The following WDPCP variants were observed in gnomAD, a reference collection of about 807,000 sequenced individuals.
The protein encoded by WDPCP is WD repeat-containing and planar cell polarity effector protein fritz homolog.
Under a neutral mutation model 93.1 loss-of-function variants are expected in WDPCP, and 71 were observed. The observed-to-expected ratio is 0.76, with a 90% CI of 0.63 to 0.93. The LOEUF (loss-of-function observed/expected upper bound fraction) is 0.93. Among genes scored for constraint, WDPCP ranks in the 40% least tolerant of loss-of-function variants. The pLI, the probability that WDPCP is intolerant of heterozygous loss-of-function variation, is 0.00. For missense variants in WDPCP, 844 were observed against 887.4 expected, an observed-to-expected ratio of 0.95 and a Z score of 0.62; for synonymous variants, 315 against 315.0, an observed-to-expected ratio of 1.00 and a Z score of 0.00.
chr2:63,645,163 A>G (rs1404836496), intron 3 of WDPCP, among the ~76,000 whole-genome samples: 1 of 151,948 alleles, frequency 6.6e-6, no homozygotes, highest in African/African-American at 2.4e-5. Flanking sequence ...CCTCTTAGTA[A>G]TGCTTTTGCT....
intron 17 of WDPCP, among the ~76,000 whole-genome samples, chr2:63,145,821 G>T (rs1192159593): frequency 3.3e-5 from 5 of 152,164 alleles, no homozygotes; most frequent in South Asian, 4.1e-4. Flanking sequence ...TAACAATATT[G>T]ATTCTTCCTG....
chr2:63,574,888 T>C (rs1707803475), intron 1 of WDPCP, among the ~76,000 whole-genome samples: 1 of 152,186 alleles, frequency 6.6e-6, no homozygotes. Flanking sequence ...TCTCAGTGGA[T>C]ATTCATCAGT....
At chr2:63,727,919 G>A (rs1040679877) in intron 2 of WDPCP, among the ~76,000 whole-genome samples, 1 of 151,932 alleles carries the variant, frequency 6.6e-6, no homozygotes, top group Non-Finnish European at 1.5e-5. Context: ...TCCTTTATTA[G>A]TCTAGCTAGC....
rs181941416 is a variant in WDPCP, at chr2:63,209,049, C to A, written c.1916-34217G>T. Reference sequence around the variant, plus strand: ...AGCCAGAAGTAACAGCCCATTAGGGCTTGCTTTCTACTCTCCCCATACTGG... The same window carrying A: ...AGCCAGAAGTAACAGCCCATTAGGGATTGCTTTCTACTCTCCCCATACTGG... On this transcript the variant is annotated intron_variant, in intron 14 of 17. Transcript: ENST00000272321. 2.0e-3 allele frequency among the ~76,000 whole-genome samples: 305 copies of A among 152,320 alleles called. 1 individual carries two copies. The highest frequency in any genetic ancestry group is 0.017 in the Admixed American group (260 of 15,294).
At chr2:63,700,305 A>G (rs1575750901) in intron 2 of WDPCP, among the ~76,000 whole-genome samples, 1 of 92,106 alleles carries the variant, frequency 1.1e-5, no homozygotes, top group Non-Finnish European at 2.5e-5. Context: ...AAAAAAAAAC[A>G]AAAAGAAAAA....
chr2:63,163,662 A>G (rs1672779149), intron 15 of WDPCP, among the ~76,000 whole-genome samples: 1 of 152,184 alleles, frequency 6.6e-6, no homozygotes. Flanking sequence ...GCCAAATTAG[A>G]CAACAGAATA....
intron 17 of WDPCP, among the ~76,000 whole-genome samples, chr2:63,129,476 C>T (rs1670149704): frequency 6.6e-6 from 1 of 152,162 alleles, no homozygotes; most frequent in Non-Finnish European, 1.5e-5. Flanking sequence ...CATCTTATTG[C>T]TTCTCAGCCT....
At chr2:63,378,159 G>A (rs1692009447) in intron 12 of WDPCP, 1 of 545,394 alleles carries the variant, frequency 1.8e-6, no homozygotes, top group South Asian at 2.2e-5. Context: ...AAAGAGGAAG[G>A]TATATTAAAA....
chr2:63,147,686 A>G (rs536422349), intron 17 of WDPCP, among the ~76,000 whole-genome samples: 2 of 152,166 alleles, frequency 1.3e-5, no homozygotes, highest in Non-Finnish European at 2.9e-5. Flanking sequence ...ACAGCCTAAT[A>G]GGCTGGGTGC....
chr2:63,360,844 C>T (rs1300621059), intron 12 of WDPCP, among the ~76,000 whole-genome samples: 1 of 152,172 alleles, frequency 6.6e-6, no homozygotes, highest in Non-Finnish European at 1.5e-5. Flanking sequence ...ATCATTCAAA[C>T]TTAACAGAAA....
intron 14 of WDPCP, among the ~76,000 whole-genome samples, chr2:63,188,848 C>T (rs752391741): frequency 4.7e-4 from 72 of 152,190 alleles, no homozygotes; most frequent in South Asian, 8.3e-4. Context: ...GCCATGGTCC[C>T]GTTTCTTTGT....
chr2:63,793,864 C>T (rs972382030), intron 2 of WDPCP, among the ~76,000 whole-genome samples: 12 of 139,410 alleles, frequency 8.6e-5, no homozygotes, highest in African/African-American at 2.5e-4. Context: ...ATACTTAGTA[C>T]TTACATTGTG....
At chr2:63,362,442 T>G (rs2104677954) in intron 12 of WDPCP, among the ~76,000 whole-genome samples, 1 of 152,106 alleles carries the variant, frequency 6.6e-6, no homozygotes, top group Non-Finnish European at 1.5e-5. Context: ...TGGTGTTTAT[T>G]AATACTGTAG....
At chr2:63,527,216 G>A (rs1703404609) in intron 1 of WDPCP, among the ~76,000 whole-genome samples, 1 of 149,100 alleles carries the variant, frequency 6.7e-6, no homozygotes, top group African/African-American at 2.5e-5. Flanking sequence ...GCAAAGGGCA[G>A]GCATGCTTTT....
chr2:63,751,080 C>A (rs896017502), intron 2 of WDPCP, among the ~76,000 whole-genome samples: 1 of 152,034 alleles, frequency 6.6e-6, no homozygotes, highest in African/African-American at 2.4e-5. Flanking sequence ...ATCAGTGAAA[C>A]CATCTGAATC....
chr2:63,639,538 C>A (rs181903533), intron 3 of WDPCP, among the ~76,000 whole-genome samples: 12 of 152,266 alleles, frequency 7.9e-5, no homozygotes, highest in Admixed American at 7.8e-4. Context: ...TTATAACAGA[C>A]CCATTCTTAT....
chr2:63,722,661 G>GGC, intron 2 of WDPCP, among the ~76,000 whole-genome samples: 1 of 139,294 alleles, frequency 7.2e-6, no homozygotes, highest in African/African-American at 2.6e-5. Flanking sequence ...GGGAGGTGGG[G>GGC]GGGGGTCAGC....
intron 2 of WDPCP, among the ~76,000 whole-genome samples, chr2:63,810,978 A>G (rs908693417): frequency 1.3e-5 from 2 of 152,252 alleles, no homozygotes; most frequent in Non-Finnish European, 2.9e-5. Context: ...GACAAGTGAG[A>G]AAAACCAGCA....
chr2:63,142,832 GT>G (rs1476760615), intron 17 of WDPCP, among the ~76,000 whole-genome samples: 1 of 151,346 alleles, frequency 6.6e-6, no homozygotes, highest in East Asian at 2.0e-4. Flanking sequence ...GTGTGTGTGT[GT>G]GTGTGTGTGT....
Sources: allele counts gnomAD v4.1 joint callset (sites outside exome capture counted in the v4.1 genomes callset), GRCh38; gene constraint gnomAD v4.1.1; transcripts MANE v1.5; gene names NCBI Gene and HGNC (gene_info 2026-07-23, HGNC 2026-07-21).